CLASP2: variants seen among roughly 807,000 people sequenced by gnomAD.
CLASP2 encodes cytoplasmic linker associated protein 2, also known as CLIP-associating protein 2.
CLASP2 carries 47 observed loss-of-function variants against 194.4 expected under a neutral mutation model. That is an observed-to-expected ratio of 0.24 (90% confidence interval 0.19 to 0.31). The LOEUF (loss-of-function observed/expected upper bound fraction) is 0.31. CLASP2 is among the 10% of genes least tolerant of loss of function. CLASP2 has a pLI of 1.00. For synonymous variants in CLASP2, 619 were observed against 633.5 expected (o/e 0.98, Z 0.34); for missense variants, 1,445 against 1,823.6 (o/e 0.79, Z 3.78).
At chr3:33,644,736 T>C in intron 8 of CLASP2, 21 bp downstream of exon 8, 1 of 1,612,290 alleles carries the variant, frequency 6.2e-7, no homozygotes, top group Non-Finnish European at 8.5e-7. Context: ...GCATAACAGA[T>C]TTGAAATGGA....
rs191437926 is a variant in CLASP2, at chr3:33,602,521, T to A, written c.1924+431A>T. On this transcript the variant is annotated intron_variant, in intron 18 of 38. Coordinates refer to ENST00000682230, the MANE Select transcript of CLASP2 (RefSeq NM_001365631.1). The stretch of plus-strand genomic sequence containing the variant: ...TCAAACTGAATAGAGTTTTGGAATA[T>A]ATGTTTAGGGTTTGGTTAGACAGAG... The A allele has an allele frequency of 1.2e-4, 90 of 760,628 alleles. No homozygotes were observed. In the East Asian group the frequency reaches 2.0e-3, roughly 17 times the overall value. The allele number at this position is 760,628 out of a possible 1,614,324, so 47.1% of individuals were successfully genotyped here. A position where few individuals can be genotyped will look rare whatever the true frequency, so the allele number is the denominator to read the frequency against.
At chr3:33,561,905 T>C (rs1220247984) in intron 27 of CLASP2, among the ~76,000 whole-genome samples, 1 of 152,106 alleles carries the variant, frequency 6.6e-6, no homozygotes, top group Admixed American at 6.6e-5. Context: ...TTAAAAACTA[T>C]GGGTTAAAAA....
At chr3:33,696,751 A>AT (rs1158949422) in intron 2 of CLASP2, 104 bp downstream of exon 2, 13 of 846,844 alleles carry the variant, frequency 1.5e-5, no homozygotes, top group African/African-American at 3.5e-5. Context: ...CAGAAATTAC[A>AT]TTTTTTTAAT....
At chr3:33,590,543 T>C (rs1399075243) in intron 21 of CLASP2, among the ~76,000 whole-genome samples, 1 of 152,162 alleles carries the variant, frequency 6.6e-6, no homozygotes, top group Non-Finnish European at 1.5e-5. Context: ...ACTCTAAAAA[T>C]ATACAAGATC....
At chr3:33,616,374 GA>G (rs952621497) in intron 12 of CLASP2, among the ~76,000 whole-genome samples, 9 of 151,652 alleles carry the variant, frequency 5.9e-5, no homozygotes, top group South Asian at 2.1e-4. Context: ...TGTAAAACAG[GA>G]AAAAAAATTC....
intron 1 of CLASP2, among the ~76,000 whole-genome samples, 193 bp from the exon 2 acceptor site, chr3:33,697,126 T>C (rs181308522): frequency 6.6e-5 from 10 of 152,180 alleles, no homozygotes; most frequent in Admixed American, 3.3e-4. Context: ...AAAACAACAA[T>C]AATAACGTGT....
At position 33,535,227 on chromosome 3, in the gene CLASP2, A is replaced by G; in HGVS notation, c.3787+6T>C. ...ACAGACAGTAGCAGTGTGACCCAGA[A>G]CATACCGTCAGGAAACTGGTCAGCA... is the stretch of plus-strand genomic sequence containing the variant. On this transcript the variant is annotated splice_donor_region_variant and intron_variant, in intron 34 of 38. Coordinates refer to ENST00000682230, the MANE Select transcript of CLASP2 (RefSeq NM_001365631.1). 6.2e-7 allele frequency: 1 copy of G among 1,604,536 alleles called. No individual in the cohort carries two copies. Among genetic ancestry groups the G allele is most frequent in the Non-Finnish European group, 8.5e-7 (1 of 1,171,402 alleles).
In CLASP2 at chr3:33,559,297, A is replaced by C. The variant is rs777733347; in HGVS notation, c.3009+10T>G. The C allele has an allele frequency of 1.3e-6, 2 of 1,493,452 alleles. No individual in the cohort carries two copies. Among genetic ancestry groups the C allele is most frequent in the South Asian group, 1.2e-5 (1 of 84,410 alleles). The allele number at this position is 1,493,452 out of a possible 1,614,324, so 92.5% of individuals were successfully genotyped here. A position where few individuals can be genotyped will look rare whatever the true frequency, so the allele number is the denominator to read the frequency against. On this transcript the variant is annotated intron_variant, in intron 29 of 38. Coordinates refer to ENST00000682230, the MANE Select transcript of CLASP2 (RefSeq NM_001365631.1). ...CTTTATAATGTCTTCAAAAGATCTCAAAGTTTTACCTTTAAGCTTGGTGTC... is the reference window on the plus strand; with the variant it reads ...CTTTATAATGTCTTCAAAAGATCTCCAAGTTTTACCTTTAAGCTTGGTGTC...
intron 34 of CLASP2, among the ~76,000 whole-genome samples, chr3:33,517,821 C>T (rs1206108742): frequency 6.6e-6 from 1 of 152,114 alleles, no homozygotes; most frequent in Non-Finnish European, 1.5e-5. Flanking sequence ...TACCTACACA[C>T]CCAGCTAATT....
chr3:33,670,362 T>C (rs541718888), intron 6 of CLASP2, among the ~76,000 whole-genome samples: 108 of 152,354 alleles, frequency 7.1e-4, no homozygotes, highest in African/African-American at 2.5e-3. Context: ...CACTTTGCTA[T>C]AATTTATAGA....
rs2048189726 is a variant in CLASP2 at position 33,506,377 on chromosome 3, C to CAAAAAAAAAAAAAAAAAAAA, written c.4317+4180_4317+4181insTTTTTTTTTTTTTTTTTTTT. On this transcript the variant is annotated intron_variant, in intron 37 of 38. Coordinates refer to ENST00000682230, the MANE Select transcript of CLASP2 (RefSeq NM_001365631.1). ...TGGGTGACAGAGTGAGACTCTGTCT[C>CAAAAAAAAAAAAAAAAAAAA]GAAAAAAAAAAAAAAAAAAAAAAAA... Among the ~76,000 whole-genome samples the CAAAAAAAAAAAAAAAAAAAA allele has an allele frequency of 4.2e-4, 26 of 61,878 alleles. 7 individuals are homozygous for CAAAAAAAAAAAAAAAAAAAA. The highest frequency in any genetic ancestry group is 1.5e-3 in the African/African-American group (26 of 17,542). The allele number at this position is 61,878 out of a possible 152,430, so 40.6% of individuals were successfully genotyped here.
At chr3:33,645,934 A>G (rs1226308141) in intron 7 of CLASP2, among the ~76,000 whole-genome samples, 1 of 58,604 alleles carries the variant, frequency 1.7e-5, no homozygotes, top group African/African-American at 8.8e-5. Flanking sequence ...CAGCATACAC[A>G]CACACACACA....
intron 28 of CLASP2, 90 bp from the exon 29 acceptor site, chr3:33,559,475 ATGTCATCC>A: frequency 2.8e-6 from 2 of 718,590 alleles, no homozygotes; most frequent in Admixed American, 2.4e-5. Flanking sequence ...CCAAAACATA[ATGTCATCC>A]AAAAAACATC....
chr3:33,500,555 G>T (rs1179259075), intron 38 of CLASP2, among the ~76,000 whole-genome samples: 1 of 151,676 alleles, frequency 6.6e-6, no homozygotes, highest in Non-Finnish European at 1.5e-5. Flanking sequence ...TTTCCATTGT[G>T]CATTTTTCTA....
At position 33,711,302 on chromosome 3, in the gene CLASP2, G is replaced by T. The variant is rs532121426; in HGVS notation, c.195+6506C>A. On this transcript the variant is annotated intron_variant, in intron 1 of 38. Transcript: ENST00000682230. ...ATTCTCTCACCCAGGCCAGAGTGTA[G>T]TGTCGCAATCTCAGCTCACTGCAAA... Among the ~76,000 whole-genome samples, 6 of 149,334 alleles carry T rather than the reference G, an allele frequency of 4.0e-5. No individual in the cohort carries two copies. The Admixed American group carries it at 4.0e-4, about 10-fold the overall frequency.
At chr3:33,704,282 G>A (rs1482824079) in intron 1 of CLASP2, among the ~76,000 whole-genome samples, 1 of 152,174 alleles carries the variant, frequency 6.6e-6, no homozygotes, top group African/African-American at 2.4e-5. Flanking sequence ...GTATCACTCT[G>A]GTAGGGGATG....
intron 34 of CLASP2, among the ~76,000 whole-genome samples, chr3:33,522,281 A>G (rs899506810): frequency 7.9e-5 from 12 of 152,326 alleles, no homozygotes; most frequent in Admixed American, 2.6e-4. Context: ...GGAGAGTTAG[A>G]AAGTGACAAT....
intron 37 of CLASP2, among the ~76,000 whole-genome samples, chr3:33,506,871 C>T (rs1360128694): frequency 6.6e-6 from 1 of 151,186 alleles, no homozygotes; most frequent in Non-Finnish European, 1.5e-5. Flanking sequence ...ACTATCATAG[C>T]TTTGTAATAC....
intron 12 of CLASP2, among the ~76,000 whole-genome samples, chr3:33,616,815 G>A (rs916217127): frequency 3.7e-5 from 5 of 135,840 alleles, no homozygotes; most frequent in Non-Finnish European, 6.1e-5. Context: ...TCGGCTCACT[G>A]CAACCTCCCC....
Sources: allele counts gnomAD v4.1 joint callset (sites outside exome capture counted in the v4.1 genomes callset), GRCh38; gene constraint gnomAD v4.1.1; transcripts MANE v1.5; gene names NCBI Gene and HGNC (gene_info 2026-07-23, HGNC 2026-07-21).